The following DGKH variants were observed in gnomAD, a reference collection of about 807,000 sequenced individuals.
DGKH encodes the protein diacylglycerol kinase eta, also known as DAG kinase eta.
DGKH carries 90 observed loss-of-function variants against 159.3 expected under a neutral mutation model. The observed-to-expected ratio is 0.57, with a 90% CI of 0.48 to 0.67. The LOEUF is 0.67. Ranked by LOEUF, DGKH falls within the 30% of genes least tolerant of loss-of-function variation. DGKH has a pLI of 0.00. For synonymous variants in DGKH, 536 were observed against 553.8 expected, an observed-to-expected ratio of 0.97 and a Z score of 0.45; for missense variants, 1,181 against 1,506.1, an observed-to-expected ratio of 0.78 and a Z score of 3.57.
intron 23 of DGKH, among the ~76,000 whole-genome samples, chr13:42,209,883 C>T (rs938425211): frequency 2.0e-5 from 3 of 152,052 alleles, no homozygotes; most frequent in Non-Finnish European, 4.4e-5. Context: ...GATATAATCA[C>T]TTGTATCCAC....
At chr13:42,047,798 GAGTGTATTGTTTTCTTCC>G (rs1167400726), upstream of DGKH, among the ~76,000 whole-genome samples, 26 of 152,160 alleles carry the variant, frequency 1.7e-4, no homozygotes, top group Admixed American at 1.7e-3. Flanking sequence ...CGCATGGCTC[GAGTGTATTGTTTTCTTCC>G]AGGCAATCTC....
intron 3 of DGKH, among the ~76,000 whole-genome samples, chr13:42,144,234 A>G (rs1955658364): frequency 6.6e-6 from 1 of 152,194 alleles, no homozygotes; most frequent in African/African-American, 2.4e-5. Context: ...ATACCTGTTA[A>G]GAAATAAGGT....
chr13:42,090,922 G>A lies in DGKH; in HGVS notation c.193-36541G>A, dbSNP rs149639583. Among the ~76,000 whole-genome samples the A allele has an allele frequency of 8.3e-3, 1,266 of 152,222 alleles. 17 individuals are homozygous for A. The highest frequency in any genetic ancestry group is 0.028 in the African/African-American group (1,167 of 41,536). On this transcript the variant is annotated intron_variant, in intron 1 of 29. Coordinates refer to ENST00000337343, the MANE Select transcript of DGKH (RefSeq NM_178009.5). ...GCTCTTCTGCCGGTGAGGAGACAGC[G>A]TTCCTTCTCTCTGGAGGATGCAGCA...
intron 1 of DGKH, among the ~76,000 whole-genome samples, chr13:42,049,583 A>C (rs1049448397): frequency 4.6e-5 from 7 of 152,136 alleles, no homozygotes; most frequent in African/African-American, 1.7e-4. Context: ...GGCAAGTGGG[A>C]CATGGTGTTC....
intron 29 of DGKH, among the ~76,000 whole-genome samples, chr13:42,222,831 A>G (rs1357205160): frequency 2.0e-5 from 3 of 152,332 alleles, no homozygotes; most frequent in East Asian, 1.9e-4. Flanking sequence ...TACGTGTTAT[A>G]TATATACATA....
At position 42,155,808 on chromosome 13, in the gene DGKH, G is replaced by A; in HGVS notation, c.622+9G>A. The stretch of plus-strand genomic sequence containing the variant: ...TGGCCTGTCCTGCGAAGGTACTGTA[G>A]CACCTAGCATGTGTTTTCTCCCAAC... On this transcript the variant is annotated intron_variant, in intron 5 of 29. Transcript: ENST00000337343. The A allele has an allele frequency of 6.2e-7, 1 of 1,613,890 alleles. No homozygotes were observed. The highest frequency in any genetic ancestry group is 1.7e-5 in the Admixed American group (1 of 60,014).
intron 1 of DGKH, among the ~76,000 whole-genome samples, chr13:42,081,182 T>G (rs1269306632): frequency 6.6e-6 from 1 of 152,220 alleles, no homozygotes; most frequent in Non-Finnish European, 1.5e-5. Context: ...ATTTTCATCA[T>G]TCTTTTCTCT....
At chr13:42,190,280 G>C in intron 15 of DGKH, 123 bp from the exon 16 acceptor site, 1 of 1,200,558 alleles carries the variant, frequency 8.3e-7, no homozygotes, top group Non-Finnish European at 1.1e-6. Flanking sequence ...GCTAAATAGT[G>C]TTTATTTGTG....
chr13:42,157,361 T>C (rs1199145727), intron 5 of DGKH, among the ~76,000 whole-genome samples: 3 of 152,244 alleles, frequency 2.0e-5, no homozygotes, highest in African/African-American at 7.2e-5. Context: ...TTGAGTGTTA[T>C]ACATTATTAA....
intron 28 of DGKH, 153 bp from the exon 29 acceptor site, chr13:42,221,111 G>C (rs1471472636): frequency 1.0e-6 from 1 of 978,300 alleles, no homozygotes; most frequent in Non-Finnish European, 1.5e-6. Context: ...ATGGGAAAAA[G>C]TGGAACTATG....
At chr13:42,088,432 A>T (rs1954350822) in intron 1 of DGKH, among the ~76,000 whole-genome samples, 1 of 152,170 alleles carries the variant, frequency 6.6e-6, no homozygotes, top group Non-Finnish European at 1.5e-5. Context: ...AAAACTAATA[A>T]TGTTTTCTGG....
chr13:42,161,892 A>G (rs2137985158), intron 7 of DGKH, among the ~76,000 whole-genome samples: 1 of 151,834 alleles, frequency 6.6e-6, no homozygotes, highest in East Asian at 1.9e-4. Flanking sequence ...TCTTTACTTT[A>G]AAAAAAAATC....
chr13:42,040,581 G>T (rs1403553003), intron 1 of DGKH, among the ~76,000 whole-genome samples: 1 of 151,728 alleles, frequency 6.6e-6, no homozygotes, highest in African/African-American at 2.4e-5. Flanking sequence ...CGGATTCTGC[G>T]CCCGTGGGAG....
chr13:42,143,395 A>G (rs1298536247), intron 3 of DGKH, among the ~76,000 whole-genome samples: 2 of 152,184 alleles, frequency 1.3e-5, no homozygotes, highest in Admixed American at 1.3e-4. Flanking sequence ...CTTTAGTATC[A>G]GGATGATGCT....
At chr13:42,197,071 G>A (rs1957217890) in intron 17 of DGKH, among the ~76,000 whole-genome samples, 1 of 151,946 alleles carries the variant, frequency 6.6e-6, no homozygotes, top group Admixed American at 6.6e-5. Context: ...CTAACATGGT[G>A]AAACCCCGTC....
At chr13:42,138,845 A>G (rs907899453) in intron 3 of DGKH, among the ~76,000 whole-genome samples, 1 of 152,198 alleles carries the variant, frequency 6.6e-6, no homozygotes, top group Non-Finnish European at 1.5e-5. Context: ...ATAGCACTCT[A>G]AAATGATGCC....
chr13:42,131,746 T>A (rs916940019), intron 3 of DGKH, among the ~76,000 whole-genome samples: 7 of 152,242 alleles, frequency 4.6e-5, no homozygotes, highest in Admixed American at 4.6e-4. Context: ...CCAGGGTTGG[T>A]GGTTTATAGG....
chr13:42,041,356 G>A (rs2137619734), intron 1 of DGKH, among the ~76,000 whole-genome samples: 2 of 152,184 alleles, frequency 1.3e-5, no homozygotes, highest in South Asian at 4.2e-4. Context: ...GGGGACACGC[G>A]CCTGGAGAGG....
intron 26 of DGKH, 36 bp downstream of exon 26, chr13:42,215,703 G>A: frequency 4.5e-6 from 7 of 1,554,418 alleles, no homozygotes; most frequent in Non-Finnish European, 6.2e-6. Flanking sequence ...TAAGAATGAT[G>A]AATTAAATGT....
Sources: allele counts gnomAD v4.1 joint callset (sites outside exome capture counted in the v4.1 genomes callset), GRCh38; gene constraint gnomAD v4.1.1; transcripts MANE v1.5; gene names NCBI Gene and HGNC (gene_info 2026-07-23, HGNC 2026-07-21).